The following ZNRF1 variants were observed in gnomAD, a reference collection of about 807,000 sequenced individuals.
The protein encoded by ZNRF1 is zinc and ring finger 1.
In ZNRF1, 3 loss-of-function variants were observed where a neutral mutation model predicts 18.4. That is an observed-to-expected ratio of 0.16 (90% confidence interval 0.07 to 0.42). ZNRF1 has a LOEUF of 0.42. Ranked by LOEUF, ZNRF1 falls within the 10% of genes least tolerant of loss-of-function variation. The pLI, the probability that ZNRF1 is intolerant of heterozygous loss-of-function variation, is 0.99. For synonymous variants in ZNRF1, 157 were observed against 144.2 expected (o/e 1.09, Z -0.64); for missense variants, 310 against 329.8 (o/e 0.94, Z 0.47).
At chr16:75,003,076 C>A (rs1432219895) in intron 1 of ZNRF1, among the ~76,000 whole-genome samples, 3 of 152,218 alleles carry the variant, frequency 2.0e-5, no homozygotes, top group African/African-American at 7.2e-5. Context: ...GCCTCAGCCT[C>A]CCGAGTAGCT....
chr16:75,027,070 C>A (rs540276575), intron 1 of ZNRF1, among the ~76,000 whole-genome samples: 127 of 152,046 alleles, frequency 8.4e-4, no homozygotes, highest in Admixed American at 1.8e-3. Flanking sequence ...AAACCAAGAC[C>A]CAGCGGTTAG....
chr16:75,086,874 C>G (rs1345326249), intron 1 of ZNRF1, among the ~76,000 whole-genome samples: 1 of 151,960 alleles, frequency 6.6e-6, no homozygotes, highest in Non-Finnish European at 1.5e-5. Flanking sequence ...TCCTTTGATT[C>G]TTCTACCTTT....
intron 1 of ZNRF1, among the ~76,000 whole-genome samples, chr16:75,036,992 G>A (rs1307490527): frequency 1.3e-5 from 2 of 152,126 alleles, no homozygotes; most frequent in Non-Finnish European, 2.9e-5. Context: ...CCTGTTCTGT[G>A]CCAGGCACTT....
rs989121842 is a variant in ZNRF1 at position 75,041,455 on chromosome 16, G to A, written c.424+41360G>A. ...AGTGATTCTCCCACTTCAGCCTCCA[G>A]AGTAGCTGGGACTACGTGTGCATGC... On this transcript the variant is annotated intron_variant, in intron 1 of 4. Transcript: ENST00000335325. Among the ~76,000 whole-genome samples, 157 of 152,084 alleles carry A rather than the reference G, an allele frequency of 1.0e-3. 2 individuals carry two copies. Among genetic ancestry groups the A allele is most frequent in the Middle Eastern group, 3.4e-3 (1 of 292 alleles).
At chr16:75,028,480 A>G (rs1261292676) in intron 1 of ZNRF1, among the ~76,000 whole-genome samples, 1 of 152,150 alleles carries the variant, frequency 6.6e-6, no homozygotes, top group Non-Finnish European at 1.5e-5. Context: ...TTTTTAGTAG[A>G]GATGGGGTTT....
intron 1 of ZNRF1, among the ~76,000 whole-genome samples, chr16:75,054,948 T>C (rs1170109438): frequency 6.6e-6 from 1 of 152,264 alleles, no homozygotes; most frequent in African/African-American, 2.4e-5. Flanking sequence ...TCTAGCTGTC[T>C]TGTTTTAGAG....
At chr16:75,101,564 C>T (rs995967813) in intron 2 of ZNRF1, among the ~76,000 whole-genome samples, 1 of 152,020 alleles carries the variant, frequency 6.6e-6, no homozygotes, top group African/African-American at 2.4e-5. Flanking sequence ...AGAGAGAGAA[C>T]GCCCCTATTA....
chr16:75,093,430 G>A (rs1222380163), intron 1 of ZNRF1, 142 bp from the exon 2 acceptor site: 1 of 582,088 alleles, frequency 1.7e-6, no homozygotes, highest in East Asian at 2.9e-5. Flanking sequence ...GTCCTTGAAG[G>A]AGGACAGGTC....
At chr16:75,030,763 C>T (rs2035291139) in intron 1 of ZNRF1, among the ~76,000 whole-genome samples, 1 of 150,998 alleles carries the variant, frequency 6.6e-6, no homozygotes, top group Admixed American at 6.6e-5. Flanking sequence ...TAGCTTTTAG[C>T]ATCTGGTTTC....
chr16:75,010,302 G>A (rs916334537), intron 1 of ZNRF1, among the ~76,000 whole-genome samples: 3 of 151,996 alleles, frequency 2.0e-5, no homozygotes, highest in African/African-American at 7.3e-5. Context: ...TTTTTCTTTC[G>A]TTGTTGATTT....
intron 1 of ZNRF1, among the ~76,000 whole-genome samples, chr16:75,010,243 A>G (rs1442762321): frequency 6.6e-6 from 1 of 152,092 alleles, no homozygotes; most frequent in Non-Finnish European, 1.5e-5. Flanking sequence ...TCAGCCTCCC[A>G]AAGTGCAGGG....
chr16:75,110,149 C>G lies in ZNRF1; in HGVS notation c.*2449C>G, dbSNP rs1186987507. 1 of 152,356 alleles carries G rather than the reference C, an allele frequency of 6.6e-6. No homozygotes were observed. Among genetic ancestry groups the G allele is most frequent in the Non-Finnish European group, 1.5e-5 (1 of 68,146 alleles). The allele number at this position is 152,356 out of a possible 1,614,324, so 9.4% of individuals were successfully genotyped here. A position where few individuals can be genotyped will look rare whatever the true frequency, so the allele number is the denominator to read the frequency against. On this transcript the variant is annotated 3_prime_UTR_variant, in exon 5 of 5. Transcript: ENST00000335325. ...GCTCATCCCCACCCCCAGCGACTTC[C>G]GTCCTACCTGGCATGCTGCAGCCCT... is the stretch of plus-strand genomic sequence containing the variant.
chr16:75,095,858 C>T lies in ZNRF1; in HGVS notation c.520+2191C>T, dbSNP rs116558472. 1.9e-3 allele frequency: 1,968 copies of T among 1,040,760 alleles called. 33 individuals carry two copies. In the African/African-American group the frequency reaches 0.028, roughly 15 times the overall value. The allele number at this position is 1,040,760 out of a possible 1,614,324, so 64.5% of individuals were successfully genotyped here. On this transcript the variant is annotated intron_variant, in intron 2 of 4. Transcript: ENST00000335325. ...AGTGCCTGGCGCTGTTGGTTTACCCCCCTACACCCCACCACCGGCAGCCTC... is the reference window on the plus strand; with the variant it reads ...AGTGCCTGGCGCTGTTGGTTTACCCTCCTACACCCCACCACCGGCAGCCTC...
At chr16:75,037,762 CT>C (rs1181731901) in intron 1 of ZNRF1, among the ~76,000 whole-genome samples, 3 of 152,146 alleles carry the variant, frequency 2.0e-5, no homozygotes, top group African/African-American at 7.2e-5. Context: ...ATAGAATGTG[CT>C]TAGAGGCAGG....
intron 1 of ZNRF1, among the ~76,000 whole-genome samples, chr16:75,004,368 G>A (rs573018833): frequency 5.3e-5 from 8 of 152,154 alleles, no homozygotes; most frequent in African/African-American, 9.6e-5. Context: ...ATTCTCTTTC[G>A]GTAGTTCTGT....
chr16:75,036,386 C>G (rs2035376192), intron 1 of ZNRF1, among the ~76,000 whole-genome samples: 1 of 152,162 alleles, frequency 6.6e-6, no homozygotes, highest in African/African-American at 2.4e-5. Context: ...CTGTCTCAGC[C>G]TCCCAAAGTG....
intron 1 of ZNRF1, among the ~76,000 whole-genome samples, chr16:75,081,115 G>A (rs1236871267): frequency 6.6e-6 from 1 of 150,912 alleles, no homozygotes; most frequent in Non-Finnish European, 1.5e-5. Flanking sequence ...GGAGCTTGCA[G>A]TGAGCCGAGA....
chr16:75,048,256 C>A (rs1210881009), intron 1 of ZNRF1, among the ~76,000 whole-genome samples: 1 of 152,150 alleles, frequency 6.6e-6, no homozygotes, highest in Non-Finnish European at 1.5e-5. Context: ...CCCCTAATCT[C>A]CTATTCTCAT....
At position 75,108,619 on chromosome 16, in the gene ZNRF1, A is replaced by C. The variant is rs1478248500; in HGVS notation, c.*919A>C. ...ATTAAAATACAAAAAAAAACTTATA[A>C]AATGTTTAAAAAAATGTTCAAAGCT... On this transcript the variant is annotated 3_prime_UTR_variant, in exon 5 of 5. Coordinates refer to ENST00000335325, the MANE Select transcript of ZNRF1 (RefSeq NM_032268.5). 1 of 398,834 alleles carries C rather than the reference A, an allele frequency of 2.5e-6. No individual in the cohort carries two copies. Among genetic ancestry groups the C allele is most frequent in the Non-Finnish European group, 4.4e-6 (1 of 226,054 alleles). The allele number at this position is 398,834 out of a possible 1,614,324, so 24.7% of individuals were successfully genotyped here.
Sources: gnomAD v4.1 joint callset for allele counts (sites outside exome capture counted in the v4.1 genomes callset) on GRCh38, gnomAD v4.1.1 for gene constraint, MANE v1.5 for transcripts, NCBI Gene and HGNC (gene_info 2026-07-23, HGNC 2026-07-21) for gene names.